The following PKP1 variants were observed in gnomAD, a reference collection of about 807,000 sequenced individuals.
PKP1 encodes plakophilin 1, also known as plakophilin-1.
PKP1 carries 27 observed loss-of-function variants against 76.4 expected under a neutral mutation model. The ratio of observed to expected loss-of-function variants is 0.35; its 90% confidence interval spans 0.26 to 0.49. The LOEUF (loss-of-function observed/expected upper bound fraction) is 0.49, where lower values mean the gene tolerates loss of function less well. Among genes scored for constraint, PKP1 ranks in the 20% least tolerant of loss-of-function variants. The probability of loss-of-function intolerance (pLI) is 0.99; values close to 1 mark genes in which losing one functional copy is unlikely to be tolerated. For synonymous variants in PKP1, 404 were observed against 384.2 expected, an observed-to-expected ratio of 1.05 and a Z score of -0.60; for missense variants, 964 against 955.2, an observed-to-expected ratio of 1.01 and a Z score of -0.12.
intron 6 of PKP1, 52 bp from the exon 7 acceptor site, chr1:201,320,215 C>T (rs41269941): frequency 2.1e-5 from 25 of 1,163,866 alleles, no homozygotes; most frequent in Non-Finnish European, 2.8e-5. Context: ...CCACCTTCCC[C>T]GTTCTCTCTT....
intron 11 of PKP1, among the ~76,000 whole-genome samples, chr1:201,325,544 C>G (rs1328978886): frequency 6.6e-6 from 1 of 151,786 alleles, no homozygotes; most frequent in Non-Finnish European, 1.5e-5. Context: ...CTGGGGTGCT[C>G]TAGGTGGGCA....
chr1:201,305,099 A>G (rs1025090476), intron 2 of PKP1, among the ~76,000 whole-genome samples: 1 of 152,092 alleles, frequency 6.6e-6, no homozygotes, highest in African/African-American at 2.4e-5. Flanking sequence ...GCAGGTGGGG[A>G]GTGCATATAG....
At chr1:201,297,028 A>C (rs1389095239) in intron 2 of PKP1, among the ~76,000 whole-genome samples, 1 of 152,252 alleles carries the variant, frequency 6.6e-6, no homozygotes. Flanking sequence ...ATATTTAAAA[A>C]GCAATGGTCG....
In PKP1 at chr1:201,286,111, C is replaced by T. The variant is rs112589031; in HGVS notation, c.202+2207C>T. Among the ~76,000 whole-genome samples the T allele has an allele frequency of 2.5e-3, 384 of 152,310 alleles. 4 individuals are homozygous for T. Among genetic ancestry groups the T allele is most frequent in the African/African-American group, 8.6e-3 (358 of 41,566 alleles). On this transcript the variant is annotated intron_variant, in intron 1 of 13. Coordinates refer to ENST00000367324, the MANE Select transcript of PKP1 (RefSeq NM_001005337.3). ...ACCCAAACGTCCCCTATTTGCTCTG[C>T]GGCCACCTCTACTCACTCTGCTCCC...
intron 3 of PKP1, 36 bp from the exon 4 acceptor site, chr1:201,316,517 C>A: frequency 6.3e-7 from 1 of 1,575,652 alleles, no homozygotes; most frequent in Non-Finnish European, 8.6e-7. Context: ...GCTCCCAGCC[C>A]ACCCCGTAAC....
At chr1:201,313,743 T>G (rs185966264) in intron 3 of PKP1, among the ~76,000 whole-genome samples, 183 bp downstream of exon 3, 5 of 152,358 alleles carry the variant, frequency 3.3e-5, no homozygotes, top group Non-Finnish European at 7.3e-5. Context: ...CCATGGGCCC[T>G]TGAACTCAAG....
At chr1:201,325,711 C>G in intron 11 of PKP1, 43 bp from the exon 12 acceptor site, 2 of 1,472,518 alleles carry the variant, frequency 1.4e-6, no homozygotes, top group Non-Finnish European at 9.5e-7. Context: ...CTTCTCACAC[C>G]TCCTGGAATC....
rs1346020601 is a variant in PKP1 at position 201,319,963 on chromosome 1, GAGA to G, written c.1233-299_1233-297del. ...AAAGTTACTGGGCAGAGTGAAGGAG[GAGA>G]AGAACTGAGTGCAAATGAGACCTCA... On this transcript the variant is annotated intron_variant, in intron 6 of 13. Transcript: ENST00000367324. 3.5e-6 allele frequency: 5 copies of G among 1,409,244 alleles called. No individual in the cohort carries two copies. The Admixed American group carries it at 5.0e-5, about 14-fold the overall frequency. 87.3% of individuals were successfully genotyped at this position (1,409,244 alleles called of 1,614,324 possible). A position where few individuals can be genotyped will look rare whatever the true frequency, so the allele number is the denominator to read the frequency against.
At chr1:201,310,049 C>G (rs1656495074) in intron 2 of PKP1, among the ~76,000 whole-genome samples, 1 of 152,228 alleles carries the variant, frequency 6.6e-6, no homozygotes, top group Non-Finnish European at 1.5e-5. Context: ...CTGGTGCATA[C>G]ACTTTCCTGG....
At chr1:201,318,060 T>A (rs1656817880) in intron 5 of PKP1, among the ~76,000 whole-genome samples, 1 of 152,108 alleles carries the variant, frequency 6.6e-6, no homozygotes, top group African/African-American at 2.4e-5. Context: ...AGATCCATAT[T>A]CCACAAGCCC....
intron 9 of PKP1, 120 bp downstream of exon 9, chr1:201,323,309 T>C (rs1180862916): frequency 1.1e-6 from 1 of 925,702 alleles, no homozygotes; most frequent in Non-Finnish European, 1.7e-6. Flanking sequence ...ATGAGCAGAG[T>C]GTGCCTGGCA....
At position 201,309,733 on chromosome 1, in the gene PKP1, C is replaced by T. The variant is rs530365582; in HGVS notation, c.307-3433C>T. On this transcript the variant is annotated intron_variant, in intron 2 of 13. Transcript: ENST00000367324. The stretch of plus-strand genomic sequence containing the variant: ...CCTCTTCTGGCTGCAGCTGCTCTCT[C>T]GGGACCTGGAAGACAGTGTTTGGAA... Among the ~76,000 whole-genome samples the T allele has an allele frequency of 1.3e-4, 20 of 152,274 alleles. 1 individual carries two copies. In the South Asian group the frequency reaches 4.1e-3, roughly 32 times the overall value.
chr1:201,318,013 G>A (rs1229975486), intron 5 of PKP1, among the ~76,000 whole-genome samples: 1 of 152,234 alleles, frequency 6.6e-6, no homozygotes, highest in African/African-American at 2.4e-5. Flanking sequence ...TCTTTTTGAG[G>A]TTAAAGAGCA....
At chr1:201,322,991 CT>C in intron 8 of PKP1, 21 bp from the exon 9 acceptor site, 3 of 1,613,214 alleles carry the variant, frequency 1.9e-6, no homozygotes, top group Non-Finnish European at 2.5e-6. Flanking sequence ...ATTGACCCCC[CT>C]GACCGGCTCT....
At chr1:201,316,076 A>C (rs1656712692) in intron 3 of PKP1, 1 of 163,530 alleles carries the variant, frequency 6.1e-6, no homozygotes, top group African/African-American at 2.4e-5. Context: ...GGATGGACAG[A>C]TGGACGGACA....
chr1:201,292,693 ACT>A (rs1655953197), intron 1 of PKP1, among the ~76,000 whole-genome samples: 1 of 151,992 alleles, frequency 6.6e-6, no homozygotes, highest in Non-Finnish European at 1.5e-5. Context: ...TCACTGCCCA[ACT>A]CTCTTCCCCA....
At chr1:201,310,585 C>G (rs1218128364) in intron 2 of PKP1, among the ~76,000 whole-genome samples, 1 of 152,218 alleles carries the variant, frequency 6.6e-6, no homozygotes, top group African/African-American at 2.4e-5. Flanking sequence ...CCTCCTTGTG[C>G]CTTGGAGGGA....
Position 201,294,050 on chromosome 1 carries a change from G to C in PKP1, c.306+5G>C. 1 of 1,588,048 alleles carries C rather than the reference G, an allele frequency of 6.3e-7. No individual in the cohort carries two copies. Among genetic ancestry groups the C allele is most frequent in the Non-Finnish European group, 8.6e-7 (1 of 1,156,596 alleles). On this transcript the variant is annotated splice_donor_5th_base_variant and intron_variant, in intron 2 of 13. Transcript: ENST00000367324. Reference sequence around the variant, plus strand: ...AATGGCTCATGGGGATATCCGGTAAGGAACTGCTTCCATCCTAAAAGACCT... The same window carrying C: ...AATGGCTCATGGGGATATCCGGTAACGAACTGCTTCCATCCTAAAAGACCT...
intron 2 of PKP1, among the ~76,000 whole-genome samples, chr1:201,311,434 G>A (rs1024211914): frequency 2.6e-5 from 4 of 152,336 alleles, no homozygotes; most frequent in South Asian, 2.1e-4. Flanking sequence ...CTGGGCGTGT[G>A]GGTGAAGGGG....
Sources: gnomAD v4.1 joint callset for allele counts (sites outside exome capture counted in the v4.1 genomes callset) on GRCh38, gnomAD v4.1.1 for gene constraint, MANE v1.5 for transcripts, NCBI Gene and HGNC (gene_info 2026-07-23, HGNC 2026-07-21) for gene names.